MUC5AC: variants seen among roughly 807,000 people sequenced by gnomAD.
MUC5AC encodes mucin 5AC, oligomeric mucus/gel-forming, also known as mucin-5AC.
Under a neutral mutation model 169.7 loss-of-function variants are expected in MUC5AC, and 158 were observed. That is an observed-to-expected ratio of 0.93 (90% CI 0.82 to 1.06). MUC5AC has a LOEUF of 1.06. Among genes scored for constraint, MUC5AC ranks in the 50% least tolerant of loss-of-function variants. The pLI is 0.00. For missense variants in MUC5AC, 4,359 were observed against 3,089.9 expected (o/e 1.41, Z -9.74); for synonymous variants, 1,975 against 1,237.0 (o/e 1.60, Z -12.52).
chr11:1,175,039 C>T lies in MUC5AC; in HGVS notation c.2250C>T (p.Asp750=), dbSNP rs966481900. 108 of 401,754 alleles carry T rather than the reference C, an allele frequency of 2.7e-4. No individual in the cohort carries two copies. Among genetic ancestry groups the T allele is most frequent in the Non-Finnish European group, 3.9e-4 (89 of 228,014 alleles). 24.9% of individuals were successfully genotyped at this position (401,754 alleles called of 1,614,324 possible). ...TCTGTCCCAAGGGCACCTTCCTGGA[C>T]GACACGGGCAAGTGTGTGCAGGCCA... ...GCICPKGTFL[D]DTGKCVQASN... Residue 750 remains aspartate (D), a synonymous_variant, in exon 18 of 49, where the codon GAC becomes GAT. Coordinates refer to ENST00000621226, the MANE Select transcript of MUC5AC (RefSeq NM_001304359.2).
chr11:1,191,104 C>T lies in MUC5AC; in HGVS notation c.12959C>T (p.Thr4320Ile), dbSNP rs1368343473. Residue 4320 changes from threonine (T) to isoleucine (I), a missense_variant, in exon 31 of 49, where the codon ACT becomes ATT. Transcript: ENST00000621226. ...AGCACAACCTCTGGTCCTGGAACTA[C>T]TCCCAGCCCTGTTCCCACCACCAGC... is the stretch of plus-strand genomic sequence containing the variant. ...TTSTTSGPGTTPSPVPTTSTT... is the reference protein window; with the variant it reads ...TTSTTSGPGTIPSPVPTTSTT... The T allele has an allele frequency of 2.8e-6, 2 of 707,588 alleles. No individual in the cohort carries two copies. Among genetic ancestry groups the T allele is most frequent in the Non-Finnish European group, 5.2e-6 (2 of 386,654 alleles). 43.8% of individuals were successfully genotyped at this position (707,588 alleles called of 1,614,324 possible). A position where few individuals can be genotyped will look rare whatever the true frequency, so the allele number is the denominator to read the frequency against.
chr11:1,187,042 C>G lies in MUC5AC; in HGVS notation c.8897C>G (p.Ser2966Cys), dbSNP rs1239313468. 2 of 750,070 alleles carry G rather than the reference C, an allele frequency of 2.7e-6. No homozygotes were observed. The highest frequency in any genetic ancestry group is 1.7e-5 in the African/African-American group (1 of 58,600). 46.5% of individuals were successfully genotyped at this position (750,070 alleles called of 1,614,324 possible). Residue 2966 changes from serine to cysteine, a missense_variant, in exon 31 of 49, where the codon TCT becomes TGT. Ser to Cys is a moderately radical substitution (Grantham distance 112, BLOSUM62 -1). Transcript: ENST00000621226. ...TISVPTTSTTSASTTSTTSGP... is the reference protein window; with the variant it reads ...TISVPTTSTTCASTTSTTSGP... ...TCTGTTCCTACCACCAGCACAACTT[C>G]TGCTTCTACAACCAGCACAACCTCT... is the stretch of plus-strand genomic sequence containing the variant.
chr11:1,192,116 C>T lies in MUC5AC; in HGVS notation c.13971C>T (p.Ile4657=), dbSNP rs751117263. 2 of 764,958 alleles carry T rather than the reference C, an allele frequency of 2.6e-6. No homozygotes were observed. The highest frequency in any genetic ancestry group is 4.8e-6 in the Non-Finnish European group (2 of 417,904). The allele number at this position is 764,958 out of a possible 1,614,324, so 47.4% of individuals were successfully genotyped here. A position where few individuals can be genotyped will look rare whatever the true frequency, so the allele number is the denominator to read the frequency against. ...GGGACAAGGAAACCTACAACAACAT[C>T]ATCAGGAGTGGGGAAAAAATCTGCC... ...HGGDKETYNN[I]IRSGEKICRR... The change falls in exon 31 of 49, where the codon ATC becomes ATT. Residue 4657 remains isoleucine, a synonymous_variant. Coordinates refer to ENST00000621226, the MANE Select transcript of MUC5AC (RefSeq NM_001304359.2).
chr11:1,171,339 G>C (rs1387540286), intron 15 of MUC5AC, among the ~76,000 whole-genome samples: 83,068 of 101,874 alleles, frequency 0.82, 32,192 homozygotes, highest in Non-Finnish European at 0.85. Flanking sequence ...ACTCACTCAC[G>C]CATTCACTCA....
At position 1,187,734 on chromosome 11, in the gene MUC5AC, G is replaced by A; in HGVS notation, c.9589G>A (p.Ala3197Thr). The A allele has an allele frequency of 3.9e-6, 3 of 764,898 alleles. No homozygotes were observed. Among genetic ancestry groups the A allele is most frequent in the South Asian group, 1.3e-5 (1 of 74,602 alleles). 47.4% of individuals were successfully genotyped at this position (764,898 alleles called of 1,614,324 possible). ...CAGCCCCGTTCCCACCACCAGCACA[G>A]CCTCTGTTTCAAAGACCAGCACAAG... ...TPSPVPTTSTASVSKTSTSHV... is the reference protein window; with the variant it reads ...TPSPVPTTSTTSVSKTSTSHV... Residue 3197 changes from alanine to threonine, a missense_variant, in exon 31 of 49, where the codon GCC becomes ACC. Transcript: ENST00000621226.
chr11:1,172,847 C>A (rs1219674193), intron 16 of MUC5AC, among the ~76,000 whole-genome samples: 1 of 150,644 alleles, frequency 6.6e-6, no homozygotes, highest in Non-Finnish European at 1.5e-5. Context: ...CTCACCCACT[C>A]ATCCACCCAT....
In MUC5AC at chr11:1,198,893, C is replaced by A. The variant is rs749821020; in HGVS notation, c.16193C>A (p.Ser5398Ter). ...CCCCAGCCCGGCGCCGTGGTCTCCTCGAGCCTGTGCGAAACCTGCAGGTGT... is the reference window on the plus strand; with the variant it reads ...CCCCAGCCCGGCGCCGTGGTCTCCTAGAGCCTGTGCGAAACCTGCAGGTGT... ...TLYQPGAVVS[S>*]SLCETCRCEL... Residue 5398 changes from serine to a stop codon, truncating the protein, a stop_gained, in exon 44 of 49, where the codon TCG (serine) becomes TAG (stop). Transcript: ENST00000621226. LOFTEE classifies it high-confidence loss of function. 2 of 752,204 alleles carry A rather than the reference C, an allele frequency of 2.7e-6. No individual in the cohort carries two copies. The highest frequency in any genetic ancestry group is 2.5e-5 in the East Asian group (1 of 40,488). 46.6% of individuals were successfully genotyped at this position (752,204 alleles called of 1,614,324 possible). A position where few individuals can be genotyped will look rare whatever the true frequency, so the allele number is the denominator to read the frequency against.
At chr11:1,175,520 C>T (rs1193432996) in intron 19 of MUC5AC, among the ~76,000 whole-genome samples, 8 of 147,060 alleles carry the variant, frequency 5.4e-5, no homozygotes, top group African/African-American at 2.0e-4. Context: ...CACGCTGACA[C>T]GCCCACTCAT....
At position 1,192,371 on chromosome 11, in the gene MUC5AC, T is replaced by A; in HGVS notation, c.14226T>A (p.Ser4742=). 1 of 765,108 alleles carries A rather than the reference T, an allele frequency of 1.3e-6. No individual in the cohort carries two copies. Among genetic ancestry groups the A allele is most frequent in the Non-Finnish European group, 2.4e-6 (1 of 417,898 alleles). 47.4% of individuals were successfully genotyped at this position (765,108 alleles called of 1,614,324 possible). Residue 4742 remains serine (S), a synonymous_variant, in exon 31 of 49, where the codon TCT becomes TCA. Coordinates refer to ENST00000621226, the MANE Select transcript of MUC5AC (RefSeq NM_001304359.2). The stretch of plus-strand genomic sequence containing the variant: ...CCTCTGTGACCCCATATGGGACTTC[T>A]CCTACCAATGCTCTGTATCCTTCCC... ...PVTSVTPYGT[S]PTNALYPSLS...
intron 1 of MUC5AC, among the ~76,000 whole-genome samples, chr11:1,158,328 G>A (rs55908559): frequency 2.6e-5 from 4 of 152,300 alleles, no homozygotes; most frequent in African/African-American, 4.8e-5. Context: ...CTCAGATCTC[G>A]GGCTTTCCCT....
chr11:1,181,796 A>C (rs878942335), intron 30 of MUC5AC, among the ~76,000 whole-genome samples: 122,923 of 152,198 alleles, frequency 0.81, 49,911 homozygotes, highest in East Asian at 1. Context: ...TTGCCTCACA[A>C]TGCTCAGGGC....
Position 1,161,923 on chromosome 11 carries a change from C to T in MUC5AC, c.228C>T (p.His76=). 6.2e-7 allele frequency: 1 copy of T among 1,611,874 alleles called. No individual in the cohort carries two copies. ...CCACCGCAGCCTCCAACCCGGCGCA[C>T]AACGGGCGGGTGTGCAGCACCTGGG... is the stretch of plus-strand genomic sequence containing the variant. ...IPVVRASNPA[H]NGRVCSTWGS... The change falls in exon 4 of 49, where the codon CAC becomes CAT. Residue 76 remains histidine, a synonymous_variant. Transcript: ENST00000621226.
intron 15 of MUC5AC, among the ~76,000 whole-genome samples, chr11:1,171,513 C>CCACTCAA (rs1860535228): frequency 7.6e-6 from 1 of 130,814 alleles, no homozygotes; most frequent in African/African-American, 2.9e-5. Context: ...ACCCATTCAC[C>CCACTCAA]CACTCACTCA....
rs760543347 is a variant in MUC5AC at position 1,199,926 on chromosome 11, C to A, written c.16657C>A (p.Arg5553Ser). 3.9e-6 allele frequency: 3 copies of A among 764,240 alleles called. No homozygotes were observed. The highest frequency in any genetic ancestry group is 4.8e-6 in the Non-Finnish European group (2 of 417,592). The allele number at this position is 764,240 out of a possible 1,614,324, so 47.3% of individuals were successfully genotyped here. A position where few individuals can be genotyped will look rare whatever the true frequency, so the allele number is the denominator to read the frequency against. Residue 5553 changes from arginine (R) to serine (S), a missense_variant, in exon 48 of 49, where the codon CGC (arginine) becomes AGC (serine). Physicochemically the swap from Arg to Ser is moderately radical, Grantham distance 110. Transcript: ENST00000621226. ...GGGCTGCAGCTCCTCGGAGCCCGTG[C>A]GCCTGGCTTACTGCCGGGGGAACTG... ...QQGCSSSEPVRLAYCRGNCGD... is the reference protein window; with the variant it reads ...QQGCSSSEPVSLAYCRGNCGD...
chr11:1,198,778 G>A (rs1861347485), intron 43 of MUC5AC, 96 bp from the exon 44 acceptor site: 7 of 656,218 alleles, frequency 1.1e-5, no homozygotes, highest in South Asian at 1.7e-5. Flanking sequence ...GGAGGGGGAT[G>A]TCTGGGAAGT....
At chr11:1,194,728 C>T in intron 35 of MUC5AC, 58 bp downstream of exon 35, 1 of 698,330 alleles carries the variant, frequency 1.4e-6, no homozygotes, top group East Asian at 2.5e-5. Flanking sequence ...GGGTGCCGGG[C>T]AGGGGCGAGG....
chr11:1,197,568 G>GC lies in MUC5AC; in HGVS notation c.15967dup (p.Leu5323ProfsTer37). 1.4e-6 allele frequency: 1 copy of GC among 717,506 alleles called. No individual in the cohort carries two copies. 44.4% of individuals were successfully genotyped at this position (717,506 alleles called of 1,614,324 possible). A position where few individuals can be genotyped will look rare whatever the true frequency, so the allele number is the denominator to read the frequency against. On this transcript the variant is annotated frameshift_variant, in exon 41 of 49. Coordinates refer to ENST00000621226, the MANE Select transcript of MUC5AC (RefSeq NM_001304359.2). LOFTEE classifies it high-confidence loss of function. ...AAGCTCTGCCCGCTGCCCCCTGCCT[G>GC]CCCCCTGCCCGGCTTCGTGCCTGTG...
intron 41 of MUC5AC, 35 bp from the exon 42 acceptor site, chr11:1,197,867 GA>G (rs1241742826): frequency 2.9e-6 from 2 of 696,908 alleles, no homozygotes; most frequent in South Asian, 3.0e-5. Context: ...GGGGGCGGGG[GA>G]CAGACTCCTA....
At position 1,195,241 on chromosome 11, in the gene MUC5AC, G is replaced by T. The variant is rs778288145; in HGVS notation, c.15420G>T (p.Pro5140=). The T allele has an allele frequency of 3.9e-6, 3 of 761,036 alleles. No homozygotes were observed. The African/African-American group carries it at 5.2e-5, about 13-fold the overall frequency. 47.1% of individuals were successfully genotyped at this position (761,036 alleles called of 1,614,324 possible). ...TCGGGCCCACCACACCGCCTGCTCC[G>T]TGCCTGCCATCACCCATCTGCCAGC... ...TTVGPTTPPA[P]CLPSPICQLI... is the part of the protein sequence containing the mutation. The change falls in exon 36 of 49, where the codon CCG becomes CCT. Residue 5140 remains proline (P), a synonymous_variant. Coordinates refer to ENST00000621226, the MANE Select transcript of MUC5AC (RefSeq NM_001304359.2).
Sources: gnomAD v4.1 joint callset for allele counts (sites outside exome capture counted in the v4.1 genomes callset) on GRCh38, gnomAD v4.1.1 for gene constraint, MANE v1.5 for transcripts, NCBI Gene and HGNC (gene_info 2026-07-23, HGNC 2026-07-21) for gene names.